TENM3: variants seen among roughly 807,000 people sequenced by gnomAD.
The protein encoded by TENM3 is teneurin-3.
In TENM3, 63 loss-of-function variants were observed where a neutral mutation model predicts 255.1. The observed-to-expected ratio is 0.25, with a 90% CI of 0.20 to 0.30. TENM3 has a LOEUF of 0.30. Ranked by LOEUF, TENM3 falls within the 10% of genes least tolerant of loss-of-function variation. The pLI, the probability that TENM3 is intolerant of heterozygous loss-of-function variation, is 1.00. For synonymous variants in TENM3, 1,306 were observed against 1,322.3 expected, an observed-to-expected ratio of 0.99 and a Z score of 0.27; for missense variants, 2,929 against 3,461.1, an observed-to-expected ratio of 0.85 and a Z score of 3.86.
the TENM3 span, among the ~76,000 whole-genome samples, chr4:181,532,100 A>G: frequency 6.6e-6 from 1 of 152,116 alleles, no homozygotes; most frequent in Non-Finnish European, 1.5e-5. Context: ...ATAGAAGTAG[A>G]GCGTGTCTGG....
At chr4:182,713,382 G>A (rs760742516) in intron 12 of TENM3, among the ~76,000 whole-genome samples, 7 of 152,148 alleles carry the variant, frequency 4.6e-5, no homozygotes, top group Admixed American at 6.5e-5. Context: ...TGTCCCATCC[G>A]TATGCAGCCT....
the TENM3 span, among the ~76,000 whole-genome samples, chr4:181,470,942 T>C: frequency 6.6e-6 from 1 of 151,702 alleles, no homozygotes; most frequent in African/African-American, 2.4e-5. Context: ...CCTTTTGACA[T>C]AATTTTTTTT....
intron 3 of TENM3, among the ~76,000 whole-genome samples, chr4:182,353,966 GAA>G (rs33947631): frequency 5.3e-5 from 7 of 132,640 alleles, no homozygotes; most frequent in South Asian, 4.9e-4. Context: ...ACTCCAGCTG[GAA>G]AAAAAAAAAA....
chr4:181,873,536 T>C, the TENM3 span, among the ~76,000 whole-genome samples: 1 of 152,244 alleles, frequency 6.6e-6, no homozygotes, highest in East Asian at 1.9e-4. Context: ...GTTGTTTTAT[T>C]TCCAAATAAT....
rs547137042 is a variant in TENM3, at chr4:182,484,407, A to G, written c.512-116517A>G. 1.2e-4 allele frequency among the ~76,000 whole-genome samples: 19 copies of G among 152,266 alleles called. No individual in the cohort carries two copies. The South Asian group carries it at 1.5e-3, about 12-fold the overall frequency. On this transcript the variant is annotated intron_variant, in intron 3 of 27. Coordinates refer to ENST00000511685, the MANE Select transcript of TENM3 (RefSeq NM_001080477.4). ...GAGTGCACTATTACCAATCAATTTT[A>G]TAGGCTCTGTTTCCTTGTTTTCCCT... is the stretch of plus-strand genomic sequence containing the variant.
the TENM3 span, among the ~76,000 whole-genome samples, chr4:181,705,002 C>G: frequency 6.6e-6 from 1 of 150,826 alleles, no homozygotes; most frequent in East Asian, 2.0e-4. Flanking sequence ...GCACTTGGCA[C>G]TCCAGCCTGG....
chr4:181,917,538 T>C, the TENM3 span, among the ~76,000 whole-genome samples: 1 of 152,034 alleles, frequency 6.6e-6, no homozygotes, highest in Non-Finnish European at 1.5e-5. Flanking sequence ...AGAAAGCTCC[T>C]GGTTGGAGCT....
intron 5 of TENM3, among the ~76,000 whole-genome samples, chr4:182,640,513 T>A (rs1379526995): frequency 1.3e-5 from 2 of 152,374 alleles, no homozygotes; most frequent in Non-Finnish European, 2.9e-5. Context: ...CAAATAATCA[T>A]AAATTTTACA....
chr4:181,839,533 G>A, the TENM3 span, among the ~76,000 whole-genome samples: 1 of 147,620 alleles, frequency 6.8e-6, no homozygotes, highest in Non-Finnish European at 1.5e-5. Context: ...ACACACACAT[G>A]CTCATATGTG....
the TENM3 span, among the ~76,000 whole-genome samples, chr4:181,785,571 A>G: frequency 6.6e-6 from 1 of 152,268 alleles, no homozygotes; most frequent in Non-Finnish European, 1.5e-5. Flanking sequence ...AAATGCTTCA[A>G]AATCTGAAAC....
chr4:182,251,484 G>A (rs991888959), intron 1 of TENM3, among the ~76,000 whole-genome samples: 5 of 152,128 alleles, frequency 3.3e-5, no homozygotes, highest in African/African-American at 9.7e-5. Flanking sequence ...AAACAAAAGC[G>A]ATGATGGGAA....
chr4:181,743,907 A>G, the TENM3 span, among the ~76,000 whole-genome samples: 1 of 151,994 alleles, frequency 6.6e-6, no homozygotes, highest in Non-Finnish European at 1.5e-5. Context: ...TGCACAGATC[A>G]TCCCCATCAC....
the TENM3 span, among the ~76,000 whole-genome samples, chr4:182,078,187 C>T: frequency 6.6e-6 from 1 of 152,070 alleles, no homozygotes; most frequent in Non-Finnish European, 1.5e-5. Flanking sequence ...GATTGTGGCA[C>T]TGCACTCTAG....
the TENM3 span, among the ~76,000 whole-genome samples, chr4:182,110,596 G>T: frequency 6.6e-6 from 1 of 152,122 alleles, no homozygotes; most frequent in Admixed American, 6.6e-5. Flanking sequence ...AAAGTGCTGG[G>T]ATTACAGGTA....
intron 1 of TENM3, among the ~76,000 whole-genome samples, chr4:182,279,658 C>A (rs1254399251): frequency 6.6e-6 from 1 of 152,164 alleles, no homozygotes; most frequent in Non-Finnish European, 1.5e-5. Flanking sequence ...TCTGTGTTTT[C>A]TTTTATTATT....
At chr4:181,676,045 G>A in the TENM3 span, among the ~76,000 whole-genome samples, 1 of 151,860 alleles carries the variant, frequency 6.6e-6, no homozygotes, top group East Asian at 1.9e-4. Flanking sequence ...TTACTAATGA[G>A]CACTCTTAAA....
intron 13 of TENM3, among the ~76,000 whole-genome samples, chr4:182,722,523 C>A (rs1759819734): frequency 6.6e-6 from 1 of 151,806 alleles, no homozygotes; most frequent in South Asian, 2.1e-4. Context: ...GAGATGATTG[C>A]TGAAGGAATT....
intron 1 of TENM3, among the ~76,000 whole-genome samples, chr4:182,300,179 G>A (rs1479377280): frequency 6.6e-6 from 1 of 152,142 alleles, no homozygotes; most frequent in African/African-American, 2.4e-5. Flanking sequence ...CTCCCAAAGT[G>A]CTTGGATTAC....
chr4:182,230,704 A>G (rs1212642072), intron 1 of TENM3, among the ~76,000 whole-genome samples: 1 of 150,838 alleles, frequency 6.6e-6, no homozygotes, highest in African/African-American at 2.4e-5. Flanking sequence ...ACCTATCCCC[A>G]TCAGATGGGG....
Sources: gnomAD v4.1 joint callset for allele counts (sites outside exome capture counted in the v4.1 genomes callset) on GRCh38, gnomAD v4.1.1 for gene constraint, MANE v1.5 for transcripts, NCBI Gene and HGNC (gene_info 2026-07-23, HGNC 2026-07-21) for gene names.